Variants in UGT2B15 observed in about 807,000 individuals in gnomAD.
The protein encoded by UGT2B15 is UDP-glucuronosyltransferase 2B15.
In UGT2B15, 36 loss-of-function variants were observed where a neutral mutation model predicts 45.9. The observed-to-expected ratio is 0.78, with a 90% confidence interval of 0.60 to 1.04. The LOEUF (loss-of-function observed/expected upper bound fraction) is 1.04. Ranked by LOEUF, UGT2B15 falls within the 50% of genes least tolerant of loss-of-function variation. The probability of loss-of-function intolerance (pLI) is 0.00; values close to 1 mark genes in which losing one functional copy is unlikely to be tolerated. For missense variants in UGT2B15, 617 were observed against 622.4 expected (o/e 0.99, Z 0.09); for synonymous variants, 219 against 216.4 (o/e 1.01, Z -0.11).
chr4:68,652,774 T>C (rs1243232676), intron 5 of UGT2B15, among the ~76,000 whole-genome samples: 1 of 151,722 alleles, frequency 6.6e-6, no homozygotes, highest in Non-Finnish European at 1.5e-5. Flanking sequence ...ATCACATATT[T>C]GATAAGGGAT....
At chr4:68,648,484 A>G (rs557352312) in intron 5 of UGT2B15, among the ~76,000 whole-genome samples, 25 of 152,194 alleles carry the variant, frequency 1.6e-4, no homozygotes, top group African/African-American at 6.0e-4. Flanking sequence ...TCCTGGCCAC[A>G]CTATAGGCAC....
chr4:68,656,447 A>G (rs1391198553), intron 3 of UGT2B15, among the ~76,000 whole-genome samples: 1 of 145,018 alleles, frequency 6.9e-6, no homozygotes, highest in Non-Finnish European at 1.5e-5. Context: ...GATGAACTTT[A>G]CCTGACTTGA....
intron 4 of UGT2B15, among the ~76,000 whole-genome samples, chr4:68,654,464 C>A (rs1280004517): frequency 2.0e-5 from 3 of 150,188 alleles, no homozygotes. Context: ...TTAAAATGTG[C>A]AAAAAAAAGA....
chr4:68,663,287 G>A (rs1399667492), intron 2 of UGT2B15, 148 bp from the exon 3 acceptor site: 1 of 570,342 alleles, frequency 1.8e-6, no homozygotes, highest in Non-Finnish European at 3.0e-6. Context: ...TTCTTTGAAA[G>A]GAGATGTGTA....
At chr4:68,656,981 A>AT (rs1194833852) in intron 3 of UGT2B15, among the ~76,000 whole-genome samples, 4 of 151,716 alleles carry the variant, frequency 2.6e-5, no homozygotes, top group Admixed American at 2.6e-4. Flanking sequence ...GACTGTTGCT[A>AT]TTTTTTTCCT....
chr4:68,658,247 A>T (rs1414141853), intron 3 of UGT2B15, among the ~76,000 whole-genome samples: 2 of 152,032 alleles, frequency 1.3e-5, no homozygotes, highest in African/African-American at 4.8e-5. Flanking sequence ...CTGAAAATAT[A>T]TAAAAGAGCT....
chr4:68,647,260 G>A lies in UGT2B15; in HGVS notation c.1437C>T (p.Val479=), dbSNP rs748597361. ...GGATCCAGGTGAGGTTGTGAGCTGCGACTCGAAGGTGCTTGGCTCCTTTGT... is the reference window on the plus strand; with the variant it reads ...GGATCCAGGTGAGGTTGTGAGCTGCAACTCGAAGGTGCTTGGCTCCTTTGT... ...MRHKGAKHLR[V]AAHNLTWIQY... The change falls in exon 6 of 6, where the codon GTC becomes GTT. Residue 479 remains valine, a synonymous_variant. Coordinates refer to ENST00000338206, the MANE Select transcript of UGT2B15 (RefSeq NM_001076.4). 17 of 1,613,870 alleles carry A rather than the reference G, an allele frequency of 1.1e-5. No individual in the cohort carries two copies. Among genetic ancestry groups the A allele is most frequent in the Admixed American group, 3.3e-5 (2 of 59,988 alleles).
At chr4:68,658,237 C>T (rs1166504646) in intron 3 of UGT2B15, among the ~76,000 whole-genome samples, 1 of 151,690 alleles carries the variant, frequency 6.6e-6, no homozygotes, top group Non-Finnish European at 1.5e-5. Flanking sequence ...TGTTTTATTA[C>T]TGAAAATATA....
chr4:68,667,947 C>T, intron 2 of UGT2B15, 93 bp downstream of exon 2: 2 of 1,534,004 alleles, frequency 1.3e-6, no homozygotes, highest in South Asian at 1.2e-5. Context: ...CTCCCATATT[C>T]CCCTCACTCT....
intron 5 of UGT2B15, among the ~76,000 whole-genome samples, chr4:68,653,536 G>A (rs958366864): frequency 1.3e-5 from 2 of 151,892 alleles, no homozygotes; most frequent in Non-Finnish European, 2.9e-5. Flanking sequence ...TCATTAAAAT[G>A]TTCTTTAGGG....
chr4:68,665,720 A>G (rs530311194), intron 2 of UGT2B15, among the ~76,000 whole-genome samples: 1 of 152,202 alleles, frequency 6.6e-6, no homozygotes, highest in Non-Finnish European at 1.5e-5. Flanking sequence ...TTAGAGAATC[A>G]GTTTCACAAT....
At chr4:68,653,922 G>A in intron 5 of UGT2B15, 115 bp downstream of exon 5, 1 of 1,376,446 alleles carries the variant, frequency 7.3e-7, no homozygotes, top group Non-Finnish European at 1.0e-6. Context: ...TTTTACATTG[G>A]TTAAATCACT....
intron 5 of UGT2B15, among the ~76,000 whole-genome samples, chr4:68,653,678 AAG>A (rs1294894611): frequency 6.6e-6 from 1 of 152,062 alleles, no homozygotes; most frequent in Non-Finnish European, 1.5e-5. Context: ...ATTTTTGAGA[AAG>A]AATAGATTCA....
Position 68,670,182 on chromosome 4 carries a change from A to G in UGT2B15, c.437T>C (p.Phe146Ser). ...AAGGGCATCTGCCAGAATGACATCA[A>G]ACTTTGACTCTTGTAGTTTCATCAT... ...KLMMKLQESK[F>S]DVILADALNP... The change falls in exon 1 of 6, where the codon TTT becomes TCT. Residue 146 changes from phenylalanine to serine, a missense_variant. Transcript: ENST00000338206. 2 of 1,614,072 alleles carry G rather than the reference A, an allele frequency of 1.2e-6. No individual in the cohort carries two copies. Among genetic ancestry groups the G allele is most frequent in the South Asian group, 1.1e-5 (1 of 91,064 alleles).
chr4:68,654,932 T>A (rs930383883), intron 4 of UGT2B15, among the ~76,000 whole-genome samples, 163 bp downstream of exon 4: 1 of 152,134 alleles, frequency 6.6e-6, no homozygotes, highest in Non-Finnish European at 1.5e-5. Flanking sequence ...CTATAGTGCA[T>A]TCTTTTTATA....
chr4:68,668,335 T>C, intron 1 of UGT2B15, 147 bp from the exon 2 acceptor site: 1 of 1,167,646 alleles, frequency 8.6e-7, no homozygotes, highest in Non-Finnish European at 1.1e-6. Flanking sequence ...TATAAATACA[T>C]TTATATATAG....
At chr4:68,655,561 G>T (rs145405531) in intron 3 of UGT2B15, among the ~76,000 whole-genome samples, 2 of 151,980 alleles carry the variant, frequency 1.3e-5, no homozygotes, top group Non-Finnish European at 2.9e-5. Flanking sequence ...TGAGATAAAT[G>T]AATATCAAAT....
In UGT2B15 at chr4:68,670,418, A is replaced by C; in HGVS notation, c.201T>G (p.Ser67Arg). 6.2e-7 allele frequency: 1 copy of C among 1,613,830 alleles called. No individual in the cohort carries two copies. Among genetic ancestry groups the C allele is most frequent in the Non-Finnish European group, 8.5e-7 (1 of 1,179,984 alleles). The change falls in exon 1 of 6, where the codon AGT becomes AGG. Residue 67 changes from serine (S) to arginine (R), a missense_variant. This residue lies in a region of UGT2B15 where 351 missense variants were observed against 342.1 expected (regional missense o/e 1.03). Coordinates refer to ENST00000338206, the MANE Select transcript of UGT2B15 (RefSeq NM_001076.4). ...CTTCTAATTTAATAGCAGATGATTTACTGGCATTGACAAGAGTAGAAGCCG... is the reference window on the plus strand; with the variant it reads ...CTTCTAATTTAATAGCAGATGATTTCCTGGCATTGACAAGAGTAGAAGCCG... Reference protein sequence around the residue: ...TSSASTLVNASKSSAIKLEVY... With the variant: ...TSSASTLVNARKSSAIKLEVY...
intron 4 of UGT2B15, among the ~76,000 whole-genome samples, chr4:68,654,812 C>G (rs1409681766): frequency 6.6e-6 from 1 of 151,846 alleles, no homozygotes. Context: ...AGGAGACAGA[C>G]AGAAAATCCA....
Sources: allele counts gnomAD v4.1 joint callset (sites outside exome capture counted in the v4.1 genomes callset), GRCh38; gene constraint gnomAD v4.1.1; regional missense constraint gnomAD v4.1.1; transcripts MANE v1.5; gene names NCBI Gene and HGNC (gene_info 2026-07-23, HGNC 2026-07-21).